The following CTNNBIP1 variants were observed in gnomAD, a reference collection of about 807,000 sequenced individuals.
CTNNBIP1 encodes beta-catenin-interacting protein 1.
In CTNNBIP1, 7 loss-of-function variants were observed where a neutral mutation model predicts 11.8. The ratio of observed to expected loss-of-function variants is 0.60; its 90% confidence interval spans 0.34 to 1.12. The LOEUF (loss-of-function observed/expected upper bound fraction) is 1.12, where lower values mean the gene tolerates loss of function less well. CTNNBIP1 is among the 50% of genes most tolerant of loss of function. The probability of loss-of-function intolerance (pLI) is 0.03; values close to 1 mark genes in which losing one functional copy is unlikely to be tolerated. For synonymous variants in CTNNBIP1, 58 were observed against 43.9 expected (o/e 1.32, Z -1.26); for missense variants, 101 against 113.4 (o/e 0.89, Z 0.50).
chr1:9,900,518 A>G (rs1251960499), intron 1 of CTNNBIP1, among the ~76,000 whole-genome samples: 3 of 152,202 alleles, frequency 2.0e-5, no homozygotes, highest in Non-Finnish European at 2.9e-5. Flanking sequence ...TGGACCTAAC[A>G]GGCCACTCCT....
intron 5 of CTNNBIP1, among the ~76,000 whole-genome samples, chr1:9,860,428 T>TAAAAAAAA: frequency 2.2e-5 from 1 of 45,550 alleles, no homozygotes; most frequent in Non-Finnish European, 4.4e-5. Context: ...CCGTCTCTAC[T>TAAAAAAAA]AAAAAAAAAA....
chr1:9,871,055 G>A lies in CTNNBIP1; in HGVS notation c.187+132C>T, dbSNP rs1557752157. ...AGCTCTGTGGGTGGAGAGAGCTGTA[G>A]CCCCTCCTAGTCAGCCCTGGGTCTC... On this transcript the variant is annotated intron_variant, in intron 5 of 5. Coordinates refer to ENST00000377263, the MANE Select transcript of CTNNBIP1 (RefSeq NM_020248.3). This position sits in a 1 kb window ranked among gnomAD's most constrained non-coding sequence, Gnocchi z 5.2. The A allele has an allele frequency of 1.5e-6, 1 of 654,842 alleles. No individual in the cohort carries two copies. Among genetic ancestry groups the A allele is most frequent in the Non-Finnish European group, 2.6e-6 (1 of 387,510 alleles). The allele number at this position is 654,842 out of a possible 1,614,324, so 40.6% of individuals were successfully genotyped here. A position where few individuals can be genotyped will look rare whatever the true frequency, so the allele number is the denominator to read the frequency against.
In CTNNBIP1 at chr1:9,849,169, G is replaced by A. The variant is rs958254303; in HGVS notation, c.*1549C>T. ...GAGGACCACCTCCCTCCCAGGGAAGGGGGTGGCAGGTGGAAGGACTTAGGT... is the reference window on the plus strand; with the variant it reads ...GAGGACCACCTCCCTCCCAGGGAAGAGGGTGGCAGGTGGAAGGACTTAGGT... On this transcript the variant is annotated 3_prime_UTR_variant, in exon 6 of 6. Coordinates refer to ENST00000377263, the MANE Select transcript of CTNNBIP1 (RefSeq NM_020248.3). 18 of 152,316 alleles carry A rather than the reference G, an allele frequency of 1.2e-4. No homozygotes were observed. Among genetic ancestry groups the A allele is most frequent in the African/African-American group, 4.1e-4 (17 of 41,442 alleles). The allele number at this position is 152,316 out of a possible 1,614,324, so 9.4% of individuals were successfully genotyped here. A position where few individuals can be genotyped will look rare whatever the true frequency, so the allele number is the denominator to read the frequency against.
At chr1:9,896,176 C>T (rs540169828) in intron 1 of CTNNBIP1, among the ~76,000 whole-genome samples, 1 of 152,100 alleles carries the variant, frequency 6.6e-6, no homozygotes, top group South Asian at 2.1e-4. Flanking sequence ...TTAGGATGTT[C>T]CACAATCTGG....
chr1:9,876,965 T>C (rs1638981222), intron 3 of CTNNBIP1, among the ~76,000 whole-genome samples: 1 of 151,910 alleles, frequency 6.6e-6, no homozygotes, highest in South Asian at 2.1e-4. Flanking sequence ...TCCTGACCAC[T>C]GTGAAAGGTC....
chr1:9,871,343 C>T lies in CTNNBIP1; in HGVS notation c.97-66G>A, dbSNP rs1638856796. Reference sequence around the variant, plus strand: ...TGTTCCCTGAAAGGCACCTGCACCCCTAGAGGCACCGCCTAGGCCTGCTTG... The same window carrying T: ...TGTTCCCTGAAAGGCACCTGCACCCTTAGAGGCACCGCCTAGGCCTGCTTG... On this transcript the variant is annotated intron_variant, in intron 4 of 5. Coordinates refer to ENST00000377263, the MANE Select transcript of CTNNBIP1 (RefSeq NM_020248.3). The surrounding 1 kb of genome is among the most constrained non-coding windows in gnomAD (Gnocchi z 5.2). 3.3e-6 allele frequency: 4 copies of T among 1,198,672 alleles called. No individual in the cohort carries two copies. In the Admixed American group the frequency reaches 5.9e-5, roughly 18 times the overall value. 74.3% of individuals were successfully genotyped at this position (1,198,672 alleles called of 1,614,324 possible). A position where few individuals can be genotyped will look rare whatever the true frequency, so the allele number is the denominator to read the frequency against.
chr1:9,877,104 G>A (rs1156975762), intron 3 of CTNNBIP1, among the ~76,000 whole-genome samples: 3 of 152,230 alleles, frequency 2.0e-5, no homozygotes, highest in Middle Eastern at 3.4e-3. Flanking sequence ...ACCTAATCTC[G>A]ACCACCATGT....
Position 9,908,144 on chromosome 1 carries a change from C to T in CTNNBIP1, c.-144+1951G>A, listed in dbSNP as rs534588683. On this transcript the variant is annotated intron_variant, in intron 1 of 5. Transcript: ENST00000377263. The stretch of plus-strand genomic sequence containing the variant: ...CGCAATCTCGGCTCACCGCAACCTC[C>T]GCCTCCCAGGTTCAGGAAATTCTCC... Among the ~76,000 whole-genome samples the T allele has an allele frequency of 5.3e-5, 8 of 152,264 alleles. No individual in the cohort carries two copies. The East Asian group carries it at 9.6e-4, about 18-fold the overall frequency.
At chr1:9,852,940 C>T (rs543241869) in intron 5 of CTNNBIP1, among the ~76,000 whole-genome samples, 1 of 152,324 alleles carries the variant, frequency 6.6e-6, no homozygotes, top group Non-Finnish European at 1.5e-5. Flanking sequence ...GGACTCCCGA[C>T]TCCACAGCCT....
intron 5 of CTNNBIP1, among the ~76,000 whole-genome samples, chr1:9,859,956 C>A (rs920063561): frequency 3.9e-5 from 6 of 152,184 alleles, no homozygotes; most frequent in Non-Finnish European, 1.5e-5. Flanking sequence ...TCTGCTTTCA[C>A]AGCAAAGAGG....
chr1:9,851,327 G>A lies in CTNNBIP1; in HGVS notation c.188-551C>T, dbSNP rs376871187. Among the ~76,000 whole-genome samples the A allele has an allele frequency of 6.6e-6, 1 of 152,174 alleles. No homozygotes were observed. The highest frequency in any genetic ancestry group is 2.1e-4 in the South Asian group (1 of 4,822). ...TGTCCGCCTGGCTCTGACTGAGACA[G>A]ATATGCCCACAATCCTTCTTTTTCT... On this transcript the variant is annotated intron_variant, in intron 5 of 5. Transcript: ENST00000377263. The surrounding 1 kb of genome is among the most constrained non-coding windows in gnomAD (Gnocchi z 4.8).
chr1:9,904,988 C>A (rs1178676570), intron 1 of CTNNBIP1, among the ~76,000 whole-genome samples: 4 of 152,140 alleles, frequency 2.6e-5, no homozygotes, highest in Non-Finnish European at 4.4e-5. Context: ...GGGGACCAGG[C>A]CAGAGAAATA....
chr1:9,868,998 T>A (rs1396322624), intron 5 of CTNNBIP1, among the ~76,000 whole-genome samples: 2 of 152,120 alleles, frequency 1.3e-5, no homozygotes, highest in South Asian at 2.1e-4. Context: ...CTTTGTCTTT[T>A]AAAAATTTTT....
chr1:9,865,872 C>T (rs1369729255), intron 5 of CTNNBIP1, among the ~76,000 whole-genome samples: 2 of 152,092 alleles, frequency 1.3e-5, no homozygotes, highest in African/African-American at 2.4e-5. Context: ...CCACACTGAC[C>T]ATGAGAGAAG....
intron 1 of CTNNBIP1, among the ~76,000 whole-genome samples, chr1:9,889,020 G>A (rs1278934529): frequency 1.3e-5 from 2 of 152,160 alleles, no homozygotes; most frequent in African/African-American, 2.4e-5. Flanking sequence ...GGAGGGAGGC[G>A]CCTGGAACCA....
chr1:9,862,425 A>G (rs74054123), intron 5 of CTNNBIP1, among the ~76,000 whole-genome samples: 6,978 of 152,176 alleles, frequency 0.046, 550 homozygotes, highest in African/African-American at 0.16. Context: ...TCAGAATTGA[A>G]TCACCTTGGG....
chr1:9,891,517 G>A (rs373373116), intron 1 of CTNNBIP1, among the ~76,000 whole-genome samples: 6 of 152,164 alleles, frequency 3.9e-5, no homozygotes, highest in South Asian at 2.1e-4. Flanking sequence ...CAATTGGATC[G>A]GCTGCAGGAC....
At chr1:9,909,364 G>A (rs982381350) in intron 1 of CTNNBIP1, among the ~76,000 whole-genome samples, 8 of 152,324 alleles carry the variant, frequency 5.3e-5, no homozygotes, top group African/African-American at 1.9e-4. Flanking sequence ...CACGGCCCCC[G>A]CCGCCTTCCC....
chr1:9,850,636 G>T lies in CTNNBIP1; in HGVS notation c.*82C>A, dbSNP rs2101414827. On this transcript the variant is annotated 3_prime_UTR_variant, in exon 6 of 6. Coordinates refer to ENST00000377263, the MANE Select transcript of CTNNBIP1 (RefSeq NM_020248.3). ...GGAAGGGGGAGGTGGGGCAAGGGGG[G>T]CTGCTGCCACTCAGCCGGCCCAGGA... The T allele has an allele frequency of 2.3e-6, 3 of 1,314,474 alleles. No individual in the cohort carries two copies. Among genetic ancestry groups the T allele is most frequent in the South Asian group, 1.2e-5 (1 of 85,088 alleles). 81.4% of individuals were successfully genotyped at this position (1,314,474 alleles called of 1,614,324 possible). A position where few individuals can be genotyped will look rare whatever the true frequency, so the allele number is the denominator to read the frequency against.
Sources: gnomAD v4.1 joint callset for allele counts (sites outside exome capture counted in the v4.1 genomes callset) on GRCh38, gnomAD v4.1.1 for gene constraint, Gnocchi (gnomAD v3.1) non-coding constraint, MANE v1.5 for transcripts, NCBI Gene and HGNC (gene_info 2026-07-23, HGNC 2026-07-21) for gene names.